MANBA: variants seen among roughly 807,000 people sequenced by gnomAD.
MANBA encodes beta-mannosidase.
A neutral mutation model predicts 111.1 loss-of-function variants in MANBA; 83 were observed. The observed-to-expected ratio is 0.75, with a 90% confidence interval of 0.63 to 0.90. The LOEUF is 0.90. Ranked by LOEUF, MANBA falls within the 40% of genes least tolerant of loss-of-function variation. MANBA has a pLI of 0.00. For synonymous variants in MANBA, 370 were observed against 378.7 expected, an observed-to-expected ratio of 0.98 and a Z score of 0.27; for missense variants, 1,036 against 1,069.0, an observed-to-expected ratio of 0.97 and a Z score of 0.43.
intron 7 of MANBA, among the ~76,000 whole-genome samples, chr4:102,686,229 T>TTTA (rs1308904432): frequency 1.3e-5 from 2 of 151,954 alleles, no homozygotes; most frequent in African/African-American, 2.4e-5. Context: ...CACATACACA[T>TTTA]GCATTTACAA....
Position 102,690,794 on chromosome 4 carries a change from A to AATATAT in MANBA, c.674-29_674-24dup, listed in dbSNP as rs143832054. ...TATCTAAAATATAAAAAGAAAAAGAAATATATATATATATATATAATATGC... is the reference window on the plus strand; with the variant it reads ...TATCTAAAATATAAAAAGAAAAAGAAATATATATATATATATATATATATAATATGC... On this transcript the variant is annotated intron_variant, in intron 5 of 16. Transcript: ENST00000647097. The AATATAT allele has an allele frequency of 6.3e-6, 5 of 789,560 alleles. No individual in the cohort carries two copies. The African/African-American group carries it at 7.3e-5, about 12-fold the overall frequency. 48.9% of individuals were successfully genotyped at this position (789,560 alleles called of 1,614,324 possible). A position where few individuals can be genotyped will look rare whatever the true frequency, so the allele number is the denominator to read the frequency against.
At chr4:102,694,856 T>C (rs1461683014) in intron 5 of MANBA, among the ~76,000 whole-genome samples, 4 of 152,226 alleles carry the variant, frequency 2.6e-5, no homozygotes, top group African/African-American at 9.6e-5. Context: ...TGAAGGCTTA[T>C]TGGTGTCCTC....
In MANBA at chr4:102,720,668, T is replaced by C. The variant is rs17033219; in HGVS notation, c.549+2203A>G. On this transcript the variant is annotated intron_variant, in intron 4 of 16. Transcript: ENST00000647097. ...CTCTAGCATTTAAACCACTGTGTCA[T>C]TGGAAGCCAAAGGCAAAAGAATCAA... Among the ~76,000 whole-genome samples, 511 of 151,782 alleles carry C rather than the reference T, an allele frequency of 3.4e-3. 6 individuals are homozygous for C. Among genetic ancestry groups the C allele is most frequent in the African/African-American group, 0.012 (498 of 41,404 alleles).
chr4:102,683,807 TTTA>T (rs1732086544), intron 7 of MANBA, among the ~76,000 whole-genome samples: 1 of 152,216 alleles, frequency 6.6e-6, no homozygotes, highest in Non-Finnish European at 1.5e-5. Context: ...TATCCCAACA[TTTA>T]TTTTTTATTT....
At chr4:102,705,046 T>C (rs905031332) in intron 5 of MANBA, among the ~76,000 whole-genome samples, 3 of 151,912 alleles carry the variant, frequency 2.0e-5, no homozygotes, top group Non-Finnish European at 2.9e-5. Context: ...AGATCACCTA[T>C]CAAAAAACAC....
At chr4:102,703,356 T>C (rs557791599) in intron 5 of MANBA, among the ~76,000 whole-genome samples, 1 of 152,332 alleles carries the variant, frequency 6.6e-6, no homozygotes, top group East Asian at 1.9e-4. Context: ...TTCCTGGCAG[T>C]AGGCTGAACT....
intron 5 of MANBA, among the ~76,000 whole-genome samples, chr4:102,697,617 T>C (rs557896632): frequency 6.7e-6 from 1 of 148,878 alleles, no homozygotes; most frequent in Non-Finnish European, 1.5e-5. Flanking sequence ...GTTTGGTTTT[T>C]TGTTCTTGCG....
chr4:102,728,476 C>A (rs1223434345), intron 1 of MANBA: 3 of 387,700 alleles, frequency 7.7e-6, no homozygotes, highest in South Asian at 6.1e-5. Flanking sequence ...TTTCGGAATA[C>A]CCATCTTTCA....
At position 102,692,151 on chromosome 4, in the gene MANBA, C is replaced by A. The variant is rs190415430; in HGVS notation, c.674-1380G>T. Among the ~76,000 whole-genome samples the A allele has an allele frequency of 3.5e-4, 54 of 152,156 alleles. 1 individual carries two copies. Among genetic ancestry groups the A allele is most frequent in the Admixed American group, 6.6e-4 (10 of 15,266 alleles). On this transcript the variant is annotated intron_variant, in intron 5 of 16. Transcript: ENST00000647097. ...TTATAAGAATTGCTAAAGGTCCCAGCACAGTGATATACAAGGATGAATATG... is the reference window on the plus strand; with the variant it reads ...TTATAAGAATTGCTAAAGGTCCCAGAACAGTGATATACAAGGATGAATATG...
intron 7 of MANBA, among the ~76,000 whole-genome samples, chr4:102,674,449 G>A (rs60573680): frequency 0.064 from 9,670 of 152,214 alleles, 982 homozygotes; most frequent in African/African-American, 0.22. Flanking sequence ...TCTCATTTCA[G>A]TGTTGTTAAA....
At chr4:102,710,009 C>T (rs573550309) in intron 5 of MANBA, among the ~76,000 whole-genome samples, 4 of 152,158 alleles carry the variant, frequency 2.6e-5, no homozygotes, top group Admixed American at 2.0e-4. Flanking sequence ...AAGGAGCATA[C>T]CTCAACATAA....
At chr4:102,633,365 C>T (rs12498722) in intron 16 of MANBA, 209,826 of 398,322 alleles carry the variant, frequency 0.53, 56,237 homozygotes, top group Admixed American at 0.64. Flanking sequence ...TGCTCCAAGA[C>T]CAAGGCCGAA....
chr4:102,665,049 T>G, intron 10 of MANBA, 197 bp from the exon 11 acceptor site: 1 of 574,694 alleles, frequency 1.7e-6, no homozygotes, highest in Non-Finnish European at 3.1e-6. Flanking sequence ...TTTAACTAGA[T>G]TTTATAAACA....
chr4:102,638,454 C>A (rs1227484648), intron 14 of MANBA, among the ~76,000 whole-genome samples: 1 of 129,918 alleles, frequency 7.7e-6, no homozygotes, highest in Non-Finnish European at 1.6e-5. Flanking sequence ...AAACAAAAAA[C>A]CACTTAGAGT....
At chr4:102,673,255 C>T (rs965092860) in intron 8 of MANBA, among the ~76,000 whole-genome samples, 5 of 152,112 alleles carry the variant, frequency 3.3e-5, no homozygotes, top group Non-Finnish European at 5.9e-5. Context: ...GCATGTAATC[C>T]CAACACTTTG....
At chr4:102,633,122 G>A (rs987244871) in intron 16 of MANBA, 4 of 396,758 alleles carry the variant, frequency 1.0e-5, no homozygotes, top group African/African-American at 8.2e-5. Flanking sequence ...TATCATTCAG[G>A]GTTCTGAGTT....
intron 1 of MANBA, among the ~76,000 whole-genome samples, chr4:102,742,964 T>C (rs112730631): frequency 0.032 from 4,799 of 152,276 alleles, 213 homozygotes; most frequent in African/African-American, 0.1. Flanking sequence ...TGGAAATCCA[T>C]GTTGCTGAGT....
intron 12 of MANBA, 27 bp from the exon 13 acceptor site, chr4:102,650,728 A>T: frequency 6.3e-7 from 1 of 1,594,380 alleles, no homozygotes; most frequent in Non-Finnish European, 8.6e-7. Flanking sequence ...AAGAATTAGA[A>T]ATCTGAAAGT....
At chr4:102,692,603 A>C (rs1262162760) in intron 5 of MANBA, among the ~76,000 whole-genome samples, 1 of 152,044 alleles carries the variant, frequency 6.6e-6, no homozygotes, top group Non-Finnish European at 1.5e-5. Flanking sequence ...ATCTCAAAAA[A>C]GCTTGGAGGT....
Sources: allele counts gnomAD v4.1 joint callset (sites outside exome capture counted in the v4.1 genomes callset), GRCh38; gene constraint gnomAD v4.1.1; transcripts MANE v1.5; gene names NCBI Gene and HGNC (gene_info 2026-07-23, HGNC 2026-07-21).